The following CD34 variants were observed in gnomAD, a reference collection of about 807,000 sequenced individuals.
CD34 encodes hematopoietic progenitor cell antigen CD34.
A neutral mutation model predicts 40.1 loss-of-function variants in CD34; 34 were observed. The observed-to-expected ratio is 0.85, with a 90% confidence interval of 0.65 to 1.13. CD34 has a LOEUF of 1.13. CD34 is among the 50% of genes most tolerant of loss of function. The probability of loss-of-function intolerance (pLI) is 0.00; values close to 1 mark genes in which losing one functional copy is unlikely to be tolerated. For missense variants in CD34, 426 were observed against 466.9 expected (o/e 0.91, Z 0.81); for synonymous variants, 209 against 190.0 (o/e 1.10, Z -0.82).
intron 4 of CD34, 44 bp downstream of exon 4, chr1:207,897,449 G>A: frequency 7.4e-7 from 1 of 1,360,194 alleles, no homozygotes; most frequent in Non-Finnish European, 1.0e-6. Flanking sequence ...ATGGAGGAAA[G>A]GGACAGGGGC....
chr1:207,901,964 CTT>C (rs1168483595), intron 1 of CD34, among the ~76,000 whole-genome samples: 1 of 152,158 alleles, frequency 6.6e-6, no homozygotes, highest in Non-Finnish European at 1.5e-5. Context: ...AATGACATCT[CTT>C]GTTTCCCTCA....
intron 4 of CD34, among the ~76,000 whole-genome samples, chr1:207,892,907 C>T (rs555877085): frequency 6.6e-6 from 1 of 152,280 alleles, no homozygotes; most frequent in East Asian, 1.9e-4. Context: ...TCCCTCCACC[C>T]CTTGCACAGT....
chr1:207,901,408 C>A (rs1038662910), intron 1 of CD34, among the ~76,000 whole-genome samples: 2 of 152,252 alleles, frequency 1.3e-5, no homozygotes, highest in African/African-American at 4.8e-5. Context: ...AGGGTGTACA[C>A]CCCCAAGGCC....
intron 1 of CD34, among the ~76,000 whole-genome samples, chr1:207,901,795 G>T (rs1055772234): frequency 2.6e-5 from 4 of 152,198 alleles, no homozygotes; most frequent in African/African-American, 9.7e-5. Flanking sequence ...CCTTGTAAAT[G>T]TTAAGGGTGA....
At chr1:207,910,628 AACTTTTCCT>A (rs1662488605) in intron 1 of CD34, among the ~76,000 whole-genome samples, 1 of 152,062 alleles carries the variant, frequency 6.6e-6, no homozygotes. Flanking sequence ...AGAGCCACAA[AACTTTTCCT>A]GCTTCTCTCC....
At chr1:207,888,630 C>G (rs1471090493) in intron 7 of CD34, 52 bp downstream of exon 7, 4 of 1,588,568 alleles carry the variant, frequency 2.5e-6, no homozygotes, top group Middle Eastern at 2.1e-4. Flanking sequence ...ACTGAACTCC[C>G]CAGAAACCCA....
intron 4 of CD34, 189 bp from the exon 5 acceptor site, chr1:207,889,810 T>C (rs530552435): frequency 6.3e-7 from 1 of 1,576,670 alleles, no homozygotes; most frequent in African/African-American, 1.4e-5. Context: ...GAAAAAAACC[T>C]AAATAATCTC....
Position 207,889,224 on chromosome 1 carries a change from A to G in CD34, c.755-11T>C. 6.2e-7 allele frequency: 1 copy of G among 1,613,958 alleles called. No homozygotes were observed. The highest frequency in any genetic ancestry group is 8.5e-7 in the Non-Finnish European group (1 of 1,179,900). On this transcript the variant is annotated splice_polypyrimidine_tract_variant and intron_variant, in intron 5 of 7. Coordinates refer to ENST00000310833, the MANE Select transcript of CD34 (RefSeq NM_001025109.2). The stretch of plus-strand genomic sequence containing the variant: ...GTTTGCTGGAAATTTCTAGAATTAG[A>G]AACAAGGGTTGCTAAATCTAAAGAG...
At chr1:207,890,900 A>G (rs182455099) in intron 4 of CD34, among the ~76,000 whole-genome samples, 1 of 152,290 alleles carries the variant, frequency 6.6e-6, no homozygotes, top group Non-Finnish European at 1.5e-5. Context: ...AACTCTGGAA[A>G]AATCCGTTTT....
intron 4 of CD34, chr1:207,890,071 C>T (rs961030905): frequency 5.1e-5 from 65 of 1,276,698 alleles, no homozygotes; most frequent in Admixed American, 1.6e-4. Flanking sequence ...AATATACACT[C>T]AGTGGAAACC....
chr1:207,906,049 G>T (rs1175573346), intron 1 of CD34, among the ~76,000 whole-genome samples: 1 of 152,154 alleles, frequency 6.6e-6, no homozygotes, highest in South Asian at 2.1e-4. Flanking sequence ...TCAGTGCTGT[G>T]GAGAGTACAA....
At chr1:207,889,327 G>A (rs954304661) in intron 5 of CD34, 114 bp from the exon 6 acceptor site, 4 of 1,560,260 alleles carry the variant, frequency 2.6e-6, no homozygotes, top group African/African-American at 1.4e-5. Flanking sequence ...ATCTCGGGGG[G>A]ACCGCTCCCA....
At chr1:207,901,584 C>T (rs116554401) in intron 1 of CD34, among the ~76,000 whole-genome samples, 5,080 of 152,342 alleles carry the variant, frequency 0.033, 289 homozygotes, top group African/African-American at 0.11. Flanking sequence ...GGAGCCATCT[C>T]TTCCTGCTAA....
In CD34 at chr1:207,883,858, C is replaced by G. The variant is rs1166663851; in HGVS notation, c.*3880G>C. On this transcript the variant is annotated 3_prime_UTR_variant, in exon 8 of 8. Transcript: ENST00000310833. ...TGCCAATATGATCACCTGCTCCCAGCCATGATCGTTCTTCTTGCTACGGTC... is the reference window on the plus strand; with the variant it reads ...TGCCAATATGATCACCTGCTCCCAGGCATGATCGTTCTTCTTGCTACGGTC... 1 of 152,158 alleles carries G rather than the reference C, an allele frequency of 6.6e-6. No individual in the cohort carries two copies. Among genetic ancestry groups the G allele is most frequent in the East Asian group, 1.9e-4 (1 of 5,200 alleles). The allele number at this position is 152,158 out of a possible 1,614,324, so 9.4% of individuals were successfully genotyped here.
intron 1 of CD34, among the ~76,000 whole-genome samples, chr1:207,909,552 G>A (rs924912737): frequency 5.3e-5 from 8 of 152,236 alleles, no homozygotes; most frequent in Admixed American, 3.3e-4. Flanking sequence ...GGGACTATAG[G>A]GGTGTGCCAC....
intron 4 of CD34, 66 bp downstream of exon 4, chr1:207,897,427 T>C: frequency 1.7e-6 from 2 of 1,168,592 alleles, no homozygotes; most frequent in Non-Finnish European, 2.5e-6. Context: ...GGTTTAAGGG[T>C]GTTCAGAAGG....
intron 1 of CD34, among the ~76,000 whole-genome samples, chr1:207,903,661 G>A (rs1204682): frequency 0.36 from 55,230 of 152,128 alleles, 12,252 homozygotes; most frequent in East Asian, 0.58. Flanking sequence ...TAAAAGTCAT[G>A]CACTGAACTT....
chr1:207,898,661 T>C (rs890993954), intron 3 of CD34, among the ~76,000 whole-genome samples: 13 of 152,186 alleles, frequency 8.5e-5, no homozygotes, highest in Non-Finnish European at 1.9e-4. Context: ...GGAAATGGTG[T>C]CCTGGTCAAA....
chr1:207,904,103 C>T lies in CD34; in HGVS notation c.80-4100G>A, dbSNP rs140712128. ...GTTCTTTAAAGTGAGTTTGCAAATC[C>T]TCAGCGATCCAGAAAGCTCTGCTAC... On this transcript the variant is annotated intron_variant, in intron 1 of 7. Transcript: ENST00000310833. 1.2e-4 allele frequency among the ~76,000 whole-genome samples: 19 copies of T among 152,302 alleles called. 1 individual carries two copies. The highest frequency in any genetic ancestry group is 2.1e-4 in the Non-Finnish European group (14 of 68,020).
Sources: gnomAD v4.1 joint callset for allele counts (sites outside exome capture counted in the v4.1 genomes callset) on GRCh38, gnomAD v4.1.1 for gene constraint, MANE v1.5 for transcripts, NCBI Gene and HGNC (gene_info 2026-07-23, HGNC 2026-07-21) for gene names.